DPF3: variants seen among roughly 807,000 people sequenced by gnomAD.
DPF3 encodes zinc finger protein DPF3.
Under a neutral mutation model 56.8 loss-of-function variants are expected in DPF3, and 18 were observed. The ratio of observed to expected loss-of-function variants is 0.32; its 90% CI spans 0.22 to 0.47. DPF3 has a LOEUF of 0.47. Ranked by LOEUF, DPF3 falls within the 20% of genes least tolerant of loss-of-function variation. DPF3 has a pLI of 1.00. For synonymous variants in DPF3, 188 were observed against 180.2 expected (o/e 1.04, Z -0.35); for missense variants, 403 against 488.8 (o/e 0.82, Z 1.65).
intron 9 of DPF3, among the ~76,000 whole-genome samples, chr14:72,621,651 G>C (rs1259955706): frequency 1.3e-5 from 2 of 152,186 alleles, no homozygotes; most frequent in Non-Finnish European, 2.9e-5. Context: ...ATACCCAGTG[G>C]GGGAGAGGTT....
chr14:72,728,793 C>T (rs1166676052), intron 4 of DPF3, among the ~76,000 whole-genome samples: 1 of 152,010 alleles, frequency 6.6e-6, no homozygotes, highest in East Asian at 1.9e-4. Context: ...TGGAAGAAAA[C>T]AGACAATAAA....
chr14:72,622,438 G>T (rs1166481707), intron 9 of DPF3, among the ~76,000 whole-genome samples: 1 of 152,076 alleles, frequency 6.6e-6, no homozygotes, highest in Non-Finnish European at 1.5e-5. Context: ...GATAATACAA[G>T]GAGAAACAAG....
chr14:72,668,682 A>G (rs1167039538), intron 8 of DPF3, among the ~76,000 whole-genome samples: 1 of 124,854 alleles, frequency 8.0e-6, no homozygotes, highest in African/African-American at 4.6e-5. Context: ...ATGTGGATTA[A>G]AAAAAAAAAC....
At chr14:72,779,360 G>A (rs764097951) in intron 1 of DPF3, among the ~76,000 whole-genome samples, 4 of 152,178 alleles carry the variant, frequency 2.6e-5, no homozygotes, top group African/African-American at 9.7e-5. Flanking sequence ...AACTGCAAGC[G>A]CTATAGCCCT....
chr14:72,878,072 C>T (rs940264982), intron 1 of DPF3, among the ~76,000 whole-genome samples: 11 of 152,298 alleles, frequency 7.2e-5, no homozygotes, highest in African/African-American at 2.6e-4. Context: ...ATTTGGCACA[C>T]CATCAGCATT....
At chr14:72,892,266 C>T (rs1342323878) in intron 1 of DPF3, 3 of 1,535,516 alleles carry the variant, frequency 2.0e-6, no homozygotes, top group South Asian at 2.4e-5. Context: ...GTAGAAACAG[C>T]ATCAGCGGTG....
chr14:72,835,208 C>T (rs1884240962), intron 1 of DPF3, among the ~76,000 whole-genome samples: 1 of 152,138 alleles, frequency 6.6e-6, no homozygotes, highest in African/African-American at 2.4e-5. Flanking sequence ...GCTGGGATTA[C>T]AGGTGCACGC....
chr14:72,804,716 G>A (rs934747643), intron 1 of DPF3, among the ~76,000 whole-genome samples: 2 of 152,128 alleles, frequency 1.3e-5, no homozygotes, highest in African/African-American at 4.8e-5. Flanking sequence ...AGCCCTCAAA[G>A]GTAGTTGAAT....
At chr14:72,892,082 C>T (rs1886774189) in intron 1 of DPF3, 1 of 1,485,388 alleles carries the variant, frequency 6.7e-7, no homozygotes, top group South Asian at 1.4e-5. Context: ...AGAGATACTG[C>T]GCCCGCCCGC....
At chr14:72,701,995 T>C (rs1373966762) in intron 6 of DPF3, among the ~76,000 whole-genome samples, 3 of 152,196 alleles carry the variant, frequency 2.0e-5, no homozygotes, top group African/African-American at 4.8e-5. Context: ...CCCATTCCCA[T>C]GCAGAATCTC....
In DPF3 at chr14:72,779,844, G is replaced by A. The variant is rs143726737; in HGVS notation, c.33-7951C>T. On this transcript the variant is annotated intron_variant, in intron 1 of 10. Coordinates refer to ENST00000556509, the MANE Select transcript of DPF3 (RefSeq NM_001280542.3). ...CAACACTCACTATTGCGGTGTCCTT[G>A]AGGCTGTCGGGGACCCACTCAAACC... Among the ~76,000 whole-genome samples, 418 of 152,330 alleles carry A rather than the reference G, an allele frequency of 2.7e-3. 2 individuals are homozygous for A. The highest frequency in any genetic ancestry group is 4.3e-3 in the Non-Finnish European group (290 of 68,038).
intron 1 of DPF3, among the ~76,000 whole-genome samples, chr14:72,821,133 C>CAAAAAAAA (rs976081670): frequency 8.6e-6 from 1 of 116,900 alleles, no homozygotes; most frequent in Non-Finnish European, 1.8e-5. Flanking sequence ...AACTCTATCT[C>CAAAAAAAA]AAAAAAAAAA....
intron 1 of DPF3, among the ~76,000 whole-genome samples, chr14:72,825,633 G>A (rs1033610219): frequency 2.6e-5 from 4 of 152,124 alleles, no homozygotes; most frequent in African/African-American, 9.7e-5. Context: ...ACACCCTCAA[G>A]AAGGCCCCTG....
chr14:72,753,455 A>G, intron 2 of DPF3, 84 bp from the exon 3 acceptor site: 1 of 1,070,540 alleles, frequency 9.3e-7, no homozygotes, highest in South Asian at 1.7e-5. Context: ...CGTCATTCAC[A>G]AGGAGAGGAA....
intron 8 of DPF3, among the ~76,000 whole-genome samples, chr14:72,637,202 T>C (rs1416387698): frequency 6.6e-6 from 1 of 152,234 alleles, no homozygotes; most frequent in Non-Finnish European, 1.5e-5. Flanking sequence ...CAAGTTTTCG[T>C]GGTCAGGTGT....
Position 72,613,476 on chromosome 14 carries a change from G to A in DPF3, c.*5821C>T, listed in dbSNP as rs1228607583. Among the ~76,000 whole-genome samples the A allele has an allele frequency of 6.6e-6, 1 of 152,228 alleles. No individual in the cohort carries two copies. Among genetic ancestry groups the A allele is most frequent in the Admixed American group, 6.5e-5 (1 of 15,280 alleles). ...CAAAATACTCCCTTCTCCTGGTGGA[G>A]CCAAAGAAGGGGAACTGTGGAAGGT... On this transcript the variant is annotated 3_prime_UTR_variant, in exon 11 of 11. Transcript: ENST00000556509.
chr14:72,883,488 C>A (rs965972186), intron 1 of DPF3, among the ~76,000 whole-genome samples: 1 of 151,798 alleles, frequency 6.6e-6, no homozygotes, highest in African/African-American at 2.4e-5. Flanking sequence ...GAGACCCTAT[C>A]TCCAAAAAAT....
intron 7 of DPF3, among the ~76,000 whole-genome samples, chr14:72,691,360 G>A (rs1244289612): frequency 6.6e-6 from 1 of 152,204 alleles, no homozygotes; most frequent in Non-Finnish European, 1.5e-5. Context: ...CCTCAAAGAG[G>A]CATTTAAAGA....
At chr14:72,712,547 G>C (rs944388789) in intron 6 of DPF3, among the ~76,000 whole-genome samples, 2 of 152,216 alleles carry the variant, frequency 1.3e-5, no homozygotes, top group African/African-American at 4.8e-5. Context: ...TATAGTAGCA[G>C]ACAATTACAT....
Sources: gnomAD v4.1 joint callset for allele counts (sites outside exome capture counted in the v4.1 genomes callset) on GRCh38, gnomAD v4.1.1 for gene constraint, MANE v1.5 for transcripts, NCBI Gene and HGNC (gene_info 2026-07-23, HGNC 2026-07-21) for gene names.